Variants in KIAA0586 observed in about 807,000 individuals in gnomAD.
KIAA0586 encodes the protein protein TALPID3.
KIAA0586 carries 144 observed loss-of-function variants against 169.8 expected under a neutral mutation model. The observed-to-expected ratio is 0.85, with a 90% CI of 0.74 to 0.97. The LOEUF is 0.97. Among genes scored for constraint, KIAA0586 ranks in the 50% least tolerant of loss-of-function variants. KIAA0586 has a pLI of 0.00. For missense variants in KIAA0586, 1,854 were observed against 1,823.0 expected (o/e 1.02, Z -0.31); for synonymous variants, 625 against 612.4 (o/e 1.02, Z -0.30).
intron 27 of KIAA0586, among the ~76,000 whole-genome samples, chr14:58,503,395 C>G (rs541437525): frequency 1.3e-5 from 2 of 152,010 alleles, no homozygotes; most frequent in Admixed American, 6.6e-5. Context: ...TCTGCAAGAT[C>G]CAATGTGAAA....
intron 1 of KIAA0586, 44 bp from the exon 2 acceptor site, chr14:58,429,319 A>G: frequency 8.7e-7 from 1 of 1,152,728 alleles, no homozygotes. Flanking sequence ...AAAGCTAAGG[A>G]TCTGATTTTA....
chr14:58,526,635 C>T (rs2045603489), intron 29 of KIAA0586, among the ~76,000 whole-genome samples: 1 of 152,158 alleles, frequency 6.6e-6, no homozygotes, highest in South Asian at 2.1e-4. Context: ...ATTCCCAAAA[C>T]CAGAACACCT....
In KIAA0586 at chr14:58,461,160, G is replaced by A; in HGVS notation, c.2059G>A (p.Gly687Ser). 6.4e-7 allele frequency: 1 copy of A among 1,551,346 alleles called. No individual in the cohort carries two copies. Residue 687 changes from glycine (G) to serine (S), a missense_variant and splice_region_variant, in exon 14 of 31, where the codon GGC (glycine) becomes AGC (serine). Physicochemically the swap from Gly to Ser is moderately conservative, Grantham distance 56. Transcript: ENST00000652326. ...ACCAAAAGTAATAGAACGAGTTAAA[G>A]GTAAGGAATCTCATTTTTAATGTTT... ...QRPKVIERVK[G>S]TKVKSIRTQT... is the part of the protein sequence containing the mutation.
At chr14:58,433,670 AAG>A (rs1402951025) in intron 4 of KIAA0586, among the ~76,000 whole-genome samples, 1 of 152,198 alleles carries the variant, frequency 6.6e-6, no homozygotes, top group Admixed American at 6.5e-5. Context: ...TTTGAGGACA[AAG>A]AGTCTAAACA....
chr14:58,463,245 A>G (rs1253574291), intron 14 of KIAA0586, among the ~76,000 whole-genome samples: 1 of 152,170 alleles, frequency 6.6e-6, no homozygotes, highest in South Asian at 2.1e-4. Context: ...TCACTCTGCC[A>G]TATTGTTCTT....
rs750293975 is a variant in KIAA0586 at position 58,457,908 on chromosome 14, C to A, written c.1512C>A (p.Asn504Lys). 3.2e-5 allele frequency: 52 copies of A among 1,606,036 alleles called. No individual in the cohort carries two copies. The highest frequency in any genetic ancestry group is 4.3e-5 in the Non-Finnish European group (50 of 1,175,860). ...ACAATAAAAAAGTACTTGAAGAAAA[C>A]CTGGAAGCTATTATTCGTGCAAAAG... ...VQNNKKVLEE[N>K]LEAIIRAKDG... The change falls in exon 11 of 31, where the codon AAC becomes AAA. Residue 504 changes from asparagine (N) to lysine (K), a missense_variant. Physicochemically the swap from Asn to Lys is moderately conservative, Grantham distance 94 (BLOSUM62 0). Transcript: ENST00000652326.
At chr14:58,487,213 A>C in intron 22 of KIAA0586, 47 bp downstream of exon 22, 1 of 1,488,532 alleles carries the variant, frequency 6.7e-7, no homozygotes, top group Non-Finnish European at 9.2e-7. Context: ...AGCAACTATT[A>C]AATTTCATGA....
chr14:58,494,885 G>A (rs1284865812), intron 26 of KIAA0586, among the ~76,000 whole-genome samples: 1 of 152,110 alleles, frequency 6.6e-6, no homozygotes, highest in Non-Finnish European at 1.5e-5. Context: ...TTAATAAGAA[G>A]ACTTTTATGG....
At chr14:58,434,330 A>C (rs897647680) in intron 4 of KIAA0586, among the ~76,000 whole-genome samples, 3 of 152,242 alleles carry the variant, frequency 2.0e-5, no homozygotes, top group African/African-American at 7.2e-5. Context: ...AAATAACCAT[A>C]TAACTAAGAA....
chr14:58,558,354 A>AT, the KIAA0586 span, among the ~76,000 whole-genome samples: 1 of 152,148 alleles, frequency 6.6e-6, no homozygotes, highest in Non-Finnish European at 1.5e-5. Context: ...TTTTGAAATG[A>AT]TGTAGTTAGA....
intron 29 of KIAA0586, among the ~76,000 whole-genome samples, chr14:58,519,691 G>A (rs1367401977): frequency 1.3e-5 from 2 of 152,182 alleles, no homozygotes; most frequent in African/African-American, 4.8e-5. Flanking sequence ...ATGGGATAGT[G>A]TTGTGATTTG....
chr14:58,511,336 C>T (rs984234255), intron 28 of KIAA0586, among the ~76,000 whole-genome samples: 4 of 152,090 alleles, frequency 2.6e-5, no homozygotes, highest in African/African-American at 4.8e-5. Flanking sequence ...AAGTTTTTTA[C>T]GTATTTTAAC....
At chr14:58,458,756 G>A (rs1264158594) in intron 12 of KIAA0586, among the ~76,000 whole-genome samples, 1 of 151,878 alleles carries the variant, frequency 6.6e-6, no homozygotes, top group Non-Finnish European at 1.5e-5. Flanking sequence ...CTCTTATTTG[G>A]CAAATTGTTG....
Position 58,503,526 on chromosome 14 carries a change from A to T in KIAA0586, c.4168+4566A>T, listed in dbSNP as rs184339324. 1.7e-3 allele frequency among the ~76,000 whole-genome samples: 259 copies of T among 152,336 alleles called. 3 individuals carry two copies. The highest frequency in any genetic ancestry group is 6.1e-3 in the African/African-American group (255 of 41,584). On this transcript the variant is annotated intron_variant, in intron 27 of 30. Coordinates refer to ENST00000652326, the MANE Select transcript of KIAA0586 (RefSeq NM_001329943.3). ...ATGTGCTGAGCATGTGCTAGGTGCTAGGAATATGAAACTTGGTAAGGCCCT... is the reference window on the plus strand; with the variant it reads ...ATGTGCTGAGCATGTGCTAGGTGCTTGGAATATGAAACTTGGTAAGGCCCT...
At chr14:58,468,641 C>T (rs901873116) in intron 16 of KIAA0586, among the ~76,000 whole-genome samples, 3 of 152,282 alleles carry the variant, frequency 2.0e-5, no homozygotes, top group Middle Eastern at 3.4e-3. Flanking sequence ...ATCTACCCTT[C>T]GGCCTGGGAT....
intron 8 of KIAA0586, among the ~76,000 whole-genome samples, chr14:58,452,430 T>G (rs145730057): frequency 1.5e-3 from 226 of 152,350 alleles, no homozygotes; most frequent in African/African-American, 5.1e-3. Context: ...TAAAGAATTT[T>G]AAGAAAGTCA....
chr14:58,490,179 G>A lies in KIAA0586; in HGVS notation c.3797G>A (p.Gly1266Glu). ...KLAPKILEDI[G>E]LYLTNLNDSL... is the part of the protein sequence containing the mutation. ...TAATTTCTAGTTTTAGAAGATATAGGACTGTACCTGACAAACCTTAATGAT... is the reference window on the plus strand; with the variant it reads ...TAATTTCTAGTTTTAGAAGATATAGAACTGTACCTGACAAACCTTAATGAT... The change falls in exon 25 of 31, where the codon GGA becomes GAA. Residue 1266 changes from glycine (G) to glutamate (E), a missense_variant. Gly to Glu is a moderately conservative substitution (Grantham distance 98). Transcript: ENST00000652326. The A allele has an allele frequency of 6.8e-7, 1 of 1,479,976 alleles. No homozygotes were observed. The highest frequency in any genetic ancestry group is 2.1e-5 in the Admixed American group (1 of 48,234). 91.7% of individuals were successfully genotyped at this position (1,479,976 alleles called of 1,614,324 possible).
rs1411214698 is a variant in KIAA0586 at position 58,549,665 on chromosome 14, CTG to C, written c.*1736_*1737del. 1 of 152,172 alleles carries C rather than the reference CTG, an allele frequency of 6.6e-6. No homozygotes were observed. The highest frequency in any genetic ancestry group is 2.4e-5 in the African/African-American group (1 of 41,416). 9.4% of individuals were successfully genotyped at this position (152,172 alleles called of 1,614,324 possible). ...AAACAAGTGGAAGAAAAATTCTGCTCTGTGGATTTTAATTTGTTTTTGATATT... is the reference window on the plus strand; with the variant it reads ...AAACAAGTGGAAGAAAAATTCTGCTCTGGATTTTAATTTGTTTTTGATATT... On this transcript the variant is annotated 3_prime_UTR_variant, in exon 31 of 31. Coordinates refer to ENST00000652326, the MANE Select transcript of KIAA0586 (RefSeq NM_001329943.3).
At chr14:58,554,751 A>G (rs779466485), downstream of KIAA0586, among the ~76,000 whole-genome samples, 1 of 152,216 alleles carries the variant, frequency 6.6e-6, no homozygotes, top group Admixed American at 6.5e-5. Flanking sequence ...CACATAGTCC[A>G]TATCCATCTT....
Sources: gnomAD v4.1 joint callset for allele counts (sites outside exome capture counted in the v4.1 genomes callset) on GRCh38, gnomAD v4.1.1 for gene constraint, MANE v1.5 for transcripts, NCBI Gene and HGNC (gene_info 2026-07-23, HGNC 2026-07-21) for gene names.